CSRNP3: variants seen among roughly 807,000 people sequenced by gnomAD.
CSRNP3 encodes cysteine and serine rich nuclear protein 3.
A neutral mutation model predicts 48.0 loss-of-function variants in CSRNP3; 12 were observed. That is an observed-to-expected ratio of 0.25 (90% CI 0.16 to 0.41). The LOEUF is 0.41. Among genes scored for constraint, CSRNP3 ranks in the 10% least tolerant of loss-of-function variants. CSRNP3 has a pLI of 1.00. For synonymous variants in CSRNP3, 263 were observed against 269.7 expected, an observed-to-expected ratio of 0.98 and a Z score of 0.24; for missense variants, 580 against 724.4, an observed-to-expected ratio of 0.80 and a Z score of 2.29.
intron 1 of CSRNP3, among the ~76,000 whole-genome samples, chr2:165,481,304 T>C (rs1684039789): frequency 6.6e-6 from 1 of 152,172 alleles, no homozygotes; most frequent in African/African-American, 2.4e-5. Context: ...CAAGATACGG[T>C]CACTTAATGA....
At chr2:165,487,772 C>T (rs1358444489) in intron 1 of CSRNP3, among the ~76,000 whole-genome samples, 1 of 150,476 alleles carries the variant, frequency 6.6e-6, no homozygotes, top group Non-Finnish European at 1.5e-5. Flanking sequence ...ACCAGGCCTG[C>T]CCTAAAAGAA....
chr2:165,588,161 G>A (rs901224461), intron 3 of CSRNP3, among the ~76,000 whole-genome samples: 1 of 152,098 alleles, frequency 6.6e-6, no homozygotes, highest in African/African-American at 2.4e-5. Context: ...TAGATCAGAA[G>A]GAATGGTATA....
chr2:165,626,781 C>A (rs1686443265), intron 4 of CSRNP3, among the ~76,000 whole-genome samples: 1 of 152,202 alleles, frequency 6.6e-6, no homozygotes, highest in Admixed American at 6.5e-5. Flanking sequence ...CTCTTCCATA[C>A]TTTTAAATGT....
In CSRNP3 at chr2:165,563,169, T is replaced by TA. The variant is rs1685255850; in HGVS notation, c.-23-31870dup. Among the ~76,000 whole-genome samples, 3 of 152,298 alleles carry TA rather than the reference T, an allele frequency of 2.0e-5. No homozygotes were observed. The East Asian group carries it at 5.8e-4, about 29-fold the overall frequency. On this transcript the variant is annotated intron_variant, in intron 3 of 6. Transcript: ENST00000651982. ...TGGTTCTCTTTTAGTACACAATTGTTAAAACAAACTAAATATGGCTGAGAA... is the reference window on the plus strand; with the variant it reads ...TGGTTCTCTTTTAGTACACAATTGTTAAAAACAAACTAAATATGGCTGAGAA...
chr2:165,633,437 A>G (rs1356963410), intron 4 of CSRNP3, among the ~76,000 whole-genome samples: 1 of 152,186 alleles, frequency 6.6e-6, no homozygotes, highest in Admixed American at 6.5e-5. Context: ...CCTGTGTGGA[A>G]AATATTTAGG....
intron 5 of CSRNP3, among the ~76,000 whole-genome samples, chr2:165,664,314 T>G (rs911278930): frequency 1.3e-5 from 2 of 152,264 alleles, no homozygotes; most frequent in African/African-American, 4.8e-5. Context: ...ACATATCCTA[T>G]GCTTTCTAGC....
At chr2:165,632,919 GA>G (rs1686563078) in intron 4 of CSRNP3, among the ~76,000 whole-genome samples, 2 of 152,172 alleles carry the variant, frequency 1.3e-5, no homozygotes, top group Non-Finnish European at 2.9e-5. Context: ...AATAAAGCCT[GA>G]AAAACACTTA....
chr2:165,600,009 T>C (rs1037097642), intron 4 of CSRNP3, among the ~76,000 whole-genome samples: 1 of 150,520 alleles, frequency 6.6e-6, no homozygotes, highest in Non-Finnish European at 1.5e-5. Context: ...TGTATACATG[T>C]GCCATGCTGG....
chr2:165,583,129 C>G (rs1685574025), intron 3 of CSRNP3, among the ~76,000 whole-genome samples: 1 of 152,214 alleles, frequency 6.6e-6, no homozygotes, highest in African/African-American at 2.4e-5. Flanking sequence ...ACCTTGTAAA[C>G]TCATTGCCAG....
At chr2:165,666,993 AAGAG>A (rs141905503) in intron 5 of CSRNP3, among the ~76,000 whole-genome samples, 1,350 of 26,188 alleles carry the variant, frequency 0.052, 301 homozygotes, top group South Asian at 0.083. Flanking sequence ...GGAAGAAAGA[AAGAG>A]AGAGAGAGGA....
intron 3 of CSRNP3, among the ~76,000 whole-genome samples, chr2:165,589,473 G>A (rs1179028198): frequency 6.6e-6 from 1 of 152,152 alleles, no homozygotes; most frequent in Non-Finnish European, 1.5e-5. Context: ...TACTTAACAG[G>A]TGTTTCATGG....
chr2:165,484,741 C>T (rs1459555186), intron 1 of CSRNP3, among the ~76,000 whole-genome samples: 1 of 152,144 alleles, frequency 6.6e-6, no homozygotes, highest in African/African-American at 2.4e-5. Flanking sequence ...GAGTAGCATC[C>T]TATTCTCTCT....
chr2:165,552,499 C>T (rs938797353), intron 3 of CSRNP3, among the ~76,000 whole-genome samples: 1 of 152,096 alleles, frequency 6.6e-6, no homozygotes, highest in Admixed American at 6.5e-5. Context: ...TTATTGAGTT[C>T]ACCATGAACC....
chr2:165,476,650 A>G (rs1683966095), intron 1 of CSRNP3, among the ~76,000 whole-genome samples: 1 of 152,228 alleles, frequency 6.6e-6, no homozygotes, highest in Non-Finnish European at 1.5e-5. Flanking sequence ...GTAGTGCAGG[A>G]TAATCATTGA....
At chr2:165,478,261 A>G (rs1683995137) in intron 1 of CSRNP3, among the ~76,000 whole-genome samples, 1 of 152,218 alleles carries the variant, frequency 6.6e-6, no homozygotes, top group East Asian at 1.9e-4. Context: ...TCTACATTTT[A>G]CAATTTTCAA....
At chr2:165,548,978 C>CT (rs1347137041) in intron 3 of CSRNP3, among the ~76,000 whole-genome samples, 41 of 132,868 alleles carry the variant, frequency 3.1e-4, no homozygotes, top group Admixed American at 7.5e-4. Flanking sequence ...CTTTTAACTT[C>CT]TTTTTTTTTT....
intron 5 of CSRNP3, among the ~76,000 whole-genome samples, chr2:165,668,529 A>G (rs1365559360): frequency 6.6e-6 from 1 of 150,936 alleles, no homozygotes; most frequent in African/African-American, 2.4e-5. Context: ...AGCTTCCCAA[A>G]TACCTGGGAC....
At chr2:165,517,636 T>C in intron 2 of CSRNP3, among the ~76,000 whole-genome samples, 1 of 151,966 alleles carries the variant, frequency 6.6e-6, no homozygotes, top group East Asian at 1.9e-4. Flanking sequence ...ACCAGATAAA[T>C]AAATGAGTTA....
intron 5 of CSRNP3, among the ~76,000 whole-genome samples, chr2:165,662,113 T>TAGATGTTATTTTGGAAACAAAATAA (rs1165647894): frequency 1.4e-3 from 78 of 56,204 alleles, no homozygotes; most frequent in South Asian, 2.6e-3. Flanking sequence ...AGTACATCTA[T>TAGATGTTATTTTGGAAACAAAATAA]AGATGTTATT....
Sources: allele counts gnomAD v4.1 joint callset (sites outside exome capture counted in the v4.1 genomes callset), GRCh38; gene constraint gnomAD v4.1.1; transcripts MANE v1.5; gene names NCBI Gene and HGNC (gene_info 2026-07-23, HGNC 2026-07-21).